MTG1: variants seen among roughly 807,000 people sequenced by gnomAD.
MTG1 encodes mitochondrial ribosome associated GTPase 1.
In MTG1, 30 loss-of-function variants were observed where a neutral mutation model predicts 39.5. The ratio of observed to expected loss-of-function variants is 0.76; its 90% CI spans 0.57 to 1.03. MTG1 has a LOEUF of 1.03. Ranked by LOEUF, MTG1 falls within the 50% of genes least tolerant of loss-of-function variation. MTG1 has a pLI of 0.00. For synonymous variants in MTG1, 217 were observed against 179.0 expected (o/e 1.21, Z -1.69); for missense variants, 513 against 447.4 (o/e 1.15, Z -1.32).
intron 9 of MTG1, among the ~76,000 whole-genome samples, chr10:133,404,655 T>C (rs1339258039): frequency 1.3e-5 from 2 of 152,192 alleles, no homozygotes; most frequent in Non-Finnish European, 2.9e-5. Flanking sequence ...GGTTTCCTCA[T>C]TGAAGATAGA....
At chr10:133,409,262 T>C (rs1350221830) in intron 9 of MTG1, among the ~76,000 whole-genome samples, 1 of 152,212 alleles carries the variant, frequency 6.6e-6, no homozygotes, top group Non-Finnish European at 1.5e-5. Context: ...TTTGAAGAAA[T>C]TTAAAATTTT....
intron 1 of MTG1, 103 bp downstream of exon 1, chr10:133,394,435 G>A: frequency 1.5e-6 from 2 of 1,323,862 alleles, no homozygotes; most frequent in Non-Finnish European, 2.0e-6. Flanking sequence ...CGGTCGTTCT[G>A]GGCTGGCCCC....
Position 133,402,665 on chromosome 10 carries a change from T to G in MTG1, c.671-27T>G, listed in dbSNP as rs1033695820. On this transcript the variant is annotated intron_variant, in intron 8 of 10. Coordinates refer to ENST00000317502, the MANE Select transcript of MTG1 (RefSeq NM_138384.4). The surrounding 1 kb of genome is among the most constrained non-coding windows in gnomAD (Gnocchi z 4.7). ...GGAACATAGATGTGGCTGTTTCCAG[T>G]GCTCACCTCGGCTGCTGCTTCCACA... The G allele has an allele frequency of 5.1e-6, 8 of 1,579,308 alleles. No individual in the cohort carries two copies. The African/African-American group carries it at 1.1e-4, about 21-fold the overall frequency.
rs1426843172 is a variant in MTG1 at position 133,402,054 on chromosome 10, G to C, written c.574-95G>C. On this transcript the variant is annotated intron_variant, in intron 7 of 10. Transcript: ENST00000317502. This position sits in a 1 kb window ranked among gnomAD's most constrained non-coding sequence, Gnocchi z 4.7. Reference sequence around the variant, plus strand: ...TTGGGTCCCTGAGGCCTTCCTCGGAGCATTGGGTGCCAGGGGCTGCCCAGG... The same window carrying C: ...TTGGGTCCCTGAGGCCTTCCTCGGACCATTGGGTGCCAGGGGCTGCCCAGG... 4 of 1,484,198 alleles carry C rather than the reference G, an allele frequency of 2.7e-6. No homozygotes were observed. The highest frequency in any genetic ancestry group is 3.7e-6 in the Non-Finnish European group (4 of 1,070,862). 91.9% of individuals were successfully genotyped at this position (1,484,198 alleles called of 1,614,324 possible).
chr10:133,399,280 G>A, intron 5 of MTG1, 54 bp downstream of exon 5: 1 of 1,587,908 alleles, frequency 6.3e-7, no homozygotes, highest in Non-Finnish European at 8.6e-7. Context: ...GGATGGGCCA[G>A]CCCCTCCTGC....
Position 133,420,441 on chromosome 10 carries a change from A to G in MTG1, c.*276A>G. ...CCTGCTCAGGCCTCTTGAGAAATGG[A>G]TGCTGTCTCAGAAGGAGTTAAAGCT... On this transcript the variant is annotated 3_prime_UTR_variant, in exon 11 of 11. Transcript: ENST00000317502. 4.9e-6 allele frequency: 2 copies of G among 410,562 alleles called. No individual in the cohort carries two copies. Among genetic ancestry groups the G allele is most frequent in the Non-Finnish European group, 4.3e-6 (1 of 232,370 alleles). 25.4% of individuals were successfully genotyped at this position (410,562 alleles called of 1,614,324 possible). A position where few individuals can be genotyped will look rare whatever the true frequency, so the allele number is the denominator to read the frequency against.
chr10:133,409,396 A>G (rs1850013110), intron 9 of MTG1, among the ~76,000 whole-genome samples: 1 of 152,240 alleles, frequency 6.6e-6, no homozygotes, highest in Non-Finnish European at 1.5e-5. Flanking sequence ...TCGAGTCAGA[A>G]AAGATACTCA....
At chr10:133,394,472 T>G in intron 1 of MTG1, 140 bp downstream of exon 1, 1 of 1,325,212 alleles carries the variant, frequency 7.5e-7, no homozygotes, top group Non-Finnish European at 9.7e-7. Context: ...CTCCCCTCCT[T>G]CCCCGCTCTC....
chr10:133,420,109 G>A lies in MTG1; in HGVS notation c.949G>A (p.Val317Met), dbSNP rs755371834. The stretch of plus-strand genomic sequence containing the variant: ...TTTCCGCCGTGGGCTGCTGGGTTCC[G>A]TGATGCTGGACCTCGACGTCCTGCG... Reference protein sequence around the residue: ...QTFRRGLLGSVMLDLDVLRGH... With the variant: ...QTFRRGLLGSMMLDLDVLRGH... Residue 317 changes from valine (V) to methionine (M), a missense_variant, in exon 11 of 11, where the codon GTG (valine) becomes ATG (methionine). Val to Met is a conservative substitution (Grantham distance 21). Coordinates refer to ENST00000317502, the MANE Select transcript of MTG1 (RefSeq NM_138384.4). 1.5e-5 allele frequency: 25 copies of A among 1,613,398 alleles called. No individual in the cohort carries two copies. The highest frequency in any genetic ancestry group is 1.1e-4 in the East Asian group (5 of 44,880).
Position 133,402,839 on chromosome 10 carries a change from A to AT in MTG1, c.752+66_752+67insT. The AT allele has an allele frequency of 1.7e-6, 2 of 1,196,160 alleles. No homozygotes were observed. Among genetic ancestry groups the AT allele is most frequent in the Non-Finnish European group, 2.3e-6 (2 of 854,604 alleles). 74.1% of individuals were successfully genotyped at this position (1,196,160 alleles called of 1,614,324 possible). A position where few individuals can be genotyped will look rare whatever the true frequency, so the allele number is the denominator to read the frequency against. ...TAGTCACCTCATTTAAAAAAAAAAA[A>AT]CAAACAAAAAAACCCCCAGCATTAT... is the stretch of plus-strand genomic sequence containing the variant. On this transcript the variant is annotated intron_variant, in intron 9 of 10. Coordinates refer to ENST00000317502, the MANE Select transcript of MTG1 (RefSeq NM_138384.4). This position sits in a 1 kb window ranked among gnomAD's most constrained non-coding sequence, Gnocchi z 4.7.
chr10:133,403,986 A>G (rs1365805516), intron 9 of MTG1, among the ~76,000 whole-genome samples: 2 of 150,998 alleles, frequency 1.3e-5, no homozygotes, highest in Admixed American at 6.6e-5. Context: ...TAGCATTTCA[A>G]TTTGCATTTC....
At chr10:133,404,874 C>CT (rs1484525967) in intron 9 of MTG1, among the ~76,000 whole-genome samples, 2 of 152,142 alleles carry the variant, frequency 1.3e-5, no homozygotes, top group Admixed American at 1.3e-4. Context: ...TTTGTGGACT[C>CT]TAACTGTGTC....
chr10:133,408,072 C>A (rs2265639), intron 9 of MTG1, among the ~76,000 whole-genome samples: 93 of 152,174 alleles, frequency 6.1e-4, no homozygotes, highest in African/African-American at 2.0e-3. Flanking sequence ...TTTCTCTTGC[C>A]TAATTGTTCT....
intron 3 of MTG1, among the ~76,000 whole-genome samples, chr10:133,397,702 T>C (rs1849805746): frequency 6.6e-6 from 1 of 151,692 alleles, no homozygotes; most frequent in Admixed American, 6.6e-5. Context: ...ATGGTCTCAA[T>C]CTCCTGACCT....
Position 133,421,720 on chromosome 10 carries a change from A to G in MTG1, c.*1555A>G, listed in dbSNP as rs1297261240. Reference sequence around the variant, plus strand: ...GTTGAGTCCTGCCAACAGCTTCCAGATCCTCACCCAGGCCAGAACCCAGGC... The same window carrying G: ...GTTGAGTCCTGCCAACAGCTTCCAGGTCCTCACCCAGGCCAGAACCCAGGC... On this transcript the variant is annotated 3_prime_UTR_variant, in exon 11 of 11. Coordinates refer to ENST00000317502, the MANE Select transcript of MTG1 (RefSeq NM_138384.4). 1 of 153,022 alleles carries G rather than the reference A, an allele frequency of 6.5e-6. No homozygotes were observed. Among genetic ancestry groups the G allele is most frequent in the Non-Finnish European group, 1.5e-5 (1 of 68,416 alleles). The allele number at this position is 153,022 out of a possible 1,614,324, so 9.5% of individuals were successfully genotyped here. A position where few individuals can be genotyped will look rare whatever the true frequency, so the allele number is the denominator to read the frequency against.
At chr10:133,395,872 GC>G (rs1849774751) in intron 2 of MTG1, 95 bp downstream of exon 2, 17 of 1,302,040 alleles carry the variant, frequency 1.3e-5, no homozygotes, top group Non-Finnish European at 1.8e-5. Flanking sequence ...GAATTGCGAG[GC>G]CCCTTTCTAG....
chr10:133,418,733 C>T (rs751193150), intron 9 of MTG1, among the ~76,000 whole-genome samples: 6 of 152,118 alleles, frequency 3.9e-5, no homozygotes, highest in Non-Finnish European at 8.8e-5. Flanking sequence ...GTGGGAGCCA[C>T]GAGACAGGTT....
chr10:133,394,189 GC>G lies in MTG1; in HGVS notation c.-31del. 6.7e-7 allele frequency: 1 copy of G among 1,483,886 alleles called. No individual in the cohort carries two copies. The highest frequency in any genetic ancestry group is 9.0e-7 in the Non-Finnish European group (1 of 1,110,158). The allele number at this position is 1,483,886 out of a possible 1,614,324, so 91.9% of individuals were successfully genotyped here. A position where few individuals can be genotyped will look rare whatever the true frequency, so the allele number is the denominator to read the frequency against. On this transcript the variant is annotated 5_prime_UTR_variant, in exon 1 of 11. Transcript: ENST00000317502. ...GGTCGCAGCGGCGCAGAGGAGGTCAGCTGCGGGAGCGTTTCCGGGGACGGTG... is the reference window on the plus strand; with the variant it reads ...GGTCGCAGCGGCGCAGAGGAGGTCAGTGCGGGAGCGTTTCCGGGGACGGTG...
chr10:133,418,905 G>A (rs905975322), intron 9 of MTG1, among the ~76,000 whole-genome samples: 5 of 152,218 alleles, frequency 3.3e-5, no homozygotes, highest in African/African-American at 4.8e-5. Flanking sequence ...GAGTCAGAGT[G>A]CCCGTTACAA....
Sources: gnomAD v4.1 joint callset for allele counts (sites outside exome capture counted in the v4.1 genomes callset) on GRCh38, gnomAD v4.1.1 for gene constraint, Gnocchi (gnomAD v3.1) non-coding constraint, MANE v1.5 for transcripts, NCBI Gene and HGNC (gene_info 2026-07-23, HGNC 2026-07-21) for gene names.